SUPT3H: variants seen among roughly 807,000 people sequenced by gnomAD.
SUPT3H encodes transcription initiation protein SPT3 homolog.
In SUPT3H, 44 loss-of-function variants were observed where a neutral mutation model predicts 44.3. That is an observed-to-expected ratio of 0.99 (90% confidence interval 0.78 to 1.28). The LOEUF is 1.28. SUPT3H is among the 50% of genes most tolerant of loss of function. SUPT3H has a pLI of 0.00. For missense variants in SUPT3H, 380 were observed against 387.1 expected (o/e 0.98, Z 0.15); for synonymous variants, 124 against 125.6 (o/e 0.99, Z 0.09).
chr6:45,132,005 A>C (rs1454126605), intron 2 of SUPT3H, among the ~76,000 whole-genome samples: 1 of 152,234 alleles, frequency 6.6e-6, no homozygotes, highest in Non-Finnish European at 1.5e-5. Flanking sequence ...AATTGAGCAC[A>C]GTAAGATATT....
At chr6:45,042,188 C>A (rs545384541) in intron 3 of SUPT3H, among the ~76,000 whole-genome samples, 1 of 152,012 alleles carries the variant, frequency 6.6e-6, no homozygotes, top group Non-Finnish European at 1.5e-5. Flanking sequence ...TTTGGGAGGC[C>A]GAGGCAGGCT....
intron 2 of SUPT3H, among the ~76,000 whole-genome samples, chr6:45,181,979 G>T (rs1355724746): frequency 6.6e-6 from 1 of 152,036 alleles, no homozygotes; most frequent in African/African-American, 2.4e-5. Flanking sequence ...AATACAAGTT[G>T]TATTCTCAAA....
At chr6:45,330,299 C>A (rs1489300041) in intron 2 of SUPT3H, among the ~76,000 whole-genome samples, 3 of 151,840 alleles carry the variant, frequency 2.0e-5, no homozygotes, top group Non-Finnish European at 4.4e-5. Context: ...GACTACATTA[C>A]AACACATAGC....
At chr6:45,187,235 C>T (rs1022360884) in intron 2 of SUPT3H, among the ~76,000 whole-genome samples, 2 of 150,750 alleles carry the variant, frequency 1.3e-5, no homozygotes, top group African/African-American at 4.9e-5. Flanking sequence ...GCCAACGTGG[C>T]GAAACACCGT....
chr6:45,142,950 A>T (rs947968508), intron 2 of SUPT3H, among the ~76,000 whole-genome samples: 28 of 149,190 alleles, frequency 1.9e-4, no homozygotes, highest in African/African-American at 6.6e-4. Flanking sequence ...AACGACAATT[A>T]AAAAAAAAGA....
intron 2 of SUPT3H, among the ~76,000 whole-genome samples, chr6:45,117,024 C>G (rs1408089455): frequency 6.6e-6 from 1 of 151,956 alleles, no homozygotes; most frequent in African/African-American, 2.4e-5. Flanking sequence ...AAAGACTTTC[C>G]AAAACTACTA....
chr6:45,062,198 A>G (rs1040348369), intron 3 of SUPT3H, among the ~76,000 whole-genome samples: 1 of 152,076 alleles, frequency 6.6e-6, no homozygotes, highest in Non-Finnish European at 1.5e-5. Flanking sequence ...AAGTTGTTGT[A>G]ATACTGTTGG....
intron 1 of SUPT3H, among the ~76,000 whole-genome samples, chr6:45,367,093 T>C (rs1478344461): frequency 6.6e-6 from 1 of 152,122 alleles, no homozygotes; most frequent in African/African-American, 2.4e-5. Context: ...CTGATGGAGA[T>C]AGGCTTTATT....
At chr6:45,098,959 TCA>T (rs1391372446) in intron 3 of SUPT3H, 1 of 452,390 alleles carries the variant, frequency 2.2e-6, no homozygotes, top group African/African-American at 2.0e-5. Context: ...GAAGAACAGA[TCA>T]CAGACTCTGG....
intron 3 of SUPT3H, among the ~76,000 whole-genome samples, chr6:45,046,848 C>T (rs996534509): frequency 1.3e-5 from 2 of 152,162 alleles, no homozygotes; most frequent in Non-Finnish European, 2.9e-5. Flanking sequence ...ATTGAGCTTT[C>T]TAATTCCTGA....
intron 5 of SUPT3H, among the ~76,000 whole-genome samples, chr6:45,006,912 C>CT (rs1485135783): frequency 1.3e-5 from 2 of 152,148 alleles, no homozygotes; most frequent in African/African-American, 2.4e-5. Flanking sequence ...CAACATACTT[C>CT]TTTCCTATTC....
chr6:44,819,512 A>G (rs1322438275), intron 11 of SUPT3H, among the ~76,000 whole-genome samples: 1 of 121,754 alleles, frequency 8.2e-6, no homozygotes, highest in African/African-American at 2.9e-5. Context: ...AGAAACATAG[A>G]TAAGAGTGGT....
chr6:44,818,013 AAAG>A (rs747029404), intron 11 of SUPT3H, among the ~76,000 whole-genome samples: 9 of 152,194 alleles, frequency 5.9e-5, no homozygotes, highest in Non-Finnish European at 1.2e-4. Flanking sequence ...CAATTTTGAA[AAAG>A]AAGAGCTGAG....
intron 2 of SUPT3H, among the ~76,000 whole-genome samples, chr6:45,316,757 T>C (rs1409466592): frequency 1.3e-5 from 2 of 152,046 alleles, no homozygotes; most frequent in Non-Finnish European, 2.9e-5. Flanking sequence ...AAAACACTGA[T>C]GAAAGAAATG....
In SUPT3H at chr6:45,247,581, T is replaced by C. The variant is rs78162023; in HGVS notation, c.101+117620A>G. Among the ~76,000 whole-genome samples, 47 of 152,290 alleles carry C rather than the reference T, an allele frequency of 3.1e-4. 1 individual carries two copies. In the East Asian group the frequency reaches 9.1e-3, roughly 29 times the overall value. On this transcript the variant is annotated intron_variant, in intron 2 of 10. Coordinates refer to ENST00000371459, the MANE Select transcript of SUPT3H (RefSeq NM_003599.4). ...GATAGAAACAATGCACATGCATTAC[T>C]ACAATTCACTGCTGGAAGAAGTGTG...
intron 2 of SUPT3H, among the ~76,000 whole-genome samples, chr6:45,187,477 G>A (rs1241086361): frequency 6.6e-6 from 1 of 150,674 alleles, no homozygotes; most frequent in Non-Finnish European, 1.5e-5. Context: ...TTTCCCTTAC[G>A]AGGGCTGTGT....
chr6:45,112,170 G>A (rs939745044), intron 2 of SUPT3H, among the ~76,000 whole-genome samples: 3 of 152,148 alleles, frequency 2.0e-5, no homozygotes, highest in Admixed American at 6.5e-5. Flanking sequence ...ACTATAATTC[G>A]TAAATCTTAA....
At chr6:45,099,322 A>C (rs952578460) in intron 3 of SUPT3H, 2 of 148,214 alleles carry the variant, frequency 1.3e-5, no homozygotes, top group African/African-American at 5.0e-5. Flanking sequence ...AATCCGAATC[A>C]ATGAATCTTG....
In SUPT3H at chr6:45,003,636, G is replaced by A; in HGVS notation, c.504+17C>T. ...ATGATTGTTCTATTTCTGTAAAAAGGGAAGAATGTACTATACCTCCATTCT... is the reference window on the plus strand; with the variant it reads ...ATGATTGTTCTATTTCTGTAAAAAGAGAAGAATGTACTATACCTCCATTCT... On this transcript the variant is annotated intron_variant, in intron 6 of 10. Coordinates refer to ENST00000371459, the MANE Select transcript of SUPT3H (RefSeq NM_003599.4). The A allele has an allele frequency of 6.2e-7, 1 of 1,610,120 alleles. No individual in the cohort carries two copies. The highest frequency in any genetic ancestry group is 8.5e-7 in the Non-Finnish European group (1 of 1,178,576).
Sources: allele counts gnomAD v4.1 joint callset (sites outside exome capture counted in the v4.1 genomes callset), GRCh38; gene constraint gnomAD v4.1.1; transcripts MANE v1.5; gene names NCBI Gene and HGNC (gene_info 2026-07-23, HGNC 2026-07-21).